Variants in ADAR observed in about 807,000 individuals in gnomAD.
ADAR encodes the protein adenosine deaminase RNA specific.
ADAR carries 41 observed loss-of-function variants against 113.2 expected under a neutral mutation model. That is an observed-to-expected ratio of 0.36 (90% confidence interval 0.28 to 0.47). The LOEUF is 0.47. Among genes scored for constraint, ADAR ranks in the 20% least tolerant of loss-of-function variants. The probability of loss-of-function intolerance (pLI) is 1.00; values close to 1 mark genes in which losing one functional copy is unlikely to be tolerated. For synonymous variants in ADAR, 605 were observed against 572.6 expected, an observed-to-expected ratio of 1.06 and a Z score of -0.81; for missense variants, 1,242 against 1,540.9, an observed-to-expected ratio of 0.81 and a Z score of 3.25.
In ADAR at chr1:154,585,799, G is replaced by A; in HGVS notation, c.3269C>T (p.Ala1090Val). ...GGGATGTCGTAGTCCATCCTCAAAT[G>A]CACTCCCATCTCTTGTCACACGACA... ...ICCRVTRDGS[A>V]FEDGLRHPFI... is the part of the protein sequence containing the mutation. The change falls in exon 13 of 15, where the codon GCA (alanine) becomes GTA (valine). Residue 1090 changes from alanine (A) to valine (V), a missense_variant. Around this residue, in one of 2 missense-constraint regions of ADAR, gnomAD observed 780 missense variants for 1,057.9 expected, o/e 0.74. Transcript: ENST00000368474. 1 of 1,614,044 alleles carries A rather than the reference G, an allele frequency of 6.2e-7. No individual in the cohort carries two copies. The highest frequency in any genetic ancestry group is 8.5e-7 in the Non-Finnish European group (1 of 1,179,908).
At chr1:154,585,714 G>A (rs776732834) in intron 13 of ADAR, 39 bp downstream of exon 13, 3 of 1,536,496 alleles carry the variant, frequency 2.0e-6, no homozygotes, top group Middle Eastern at 1.7e-4. Flanking sequence ...GCTTGAAAAG[G>A]AGGAAAATGT....
chr1:154,608,086 AG>A lies in ADAR; in HGVS notation c.-81del, dbSNP rs568269158. 1 of 1,474,236 alleles carries A rather than the reference AG, an allele frequency of 6.8e-7. No homozygotes were observed. The highest frequency in any genetic ancestry group is 9.0e-7 in the Non-Finnish European group (1 of 1,114,228). The allele number at this position is 1,474,236 out of a possible 1,614,324, so 91.3% of individuals were successfully genotyped here. ...ACCGCTGGGCCGCGCCAGCCCCTCG[AG>A]GCCCCCACGCCTCCGCTACTCCGCA... On this transcript the variant is annotated 5_prime_UTR_variant, in exon 1 of 15. Coordinates refer to ENST00000368474, the MANE Select transcript of ADAR (RefSeq NM_001111.5).
intron 1 of ADAR, among the ~76,000 whole-genome samples, chr1:154,620,172 G>C (rs1024949402): frequency 6.6e-6 from 1 of 152,192 alleles, no homozygotes; most frequent in African/African-American, 2.4e-5. Context: ...ACTTTGGGAG[G>C]CCAAGGCGGG....
intron 1 of ADAR, among the ~76,000 whole-genome samples, chr1:154,616,617 G>GT (rs1557903028): frequency 6.6e-6 from 1 of 151,878 alleles, no homozygotes; most frequent in Non-Finnish European, 1.5e-5. Flanking sequence ...ATTTACACTT[G>GT]TAATTTTACA....
At chr1:154,614,214 C>T (rs2101686822) in intron 1 of ADAR, among the ~76,000 whole-genome samples, 1 of 152,320 alleles carries the variant, frequency 6.6e-6, no homozygotes, top group Non-Finnish European at 1.5e-5. Context: ...CGGGGTGACC[C>T]TATACAACTT....
intron 6 of ADAR, among the ~76,000 whole-genome samples, chr1:154,594,627 C>T (rs572018291): frequency 8.5e-5 from 13 of 152,290 alleles, no homozygotes; most frequent in African/African-American, 2.9e-4. Context: ...ATAAGTTTCA[C>T]AAGAAAGTAT....
chr1:154,602,083 T>G lies in ADAR; in HGVS notation c.559A>C (p.Lys187Gln). 1 of 1,614,242 alleles carries G rather than the reference T, an allele frequency of 6.2e-7. No individual in the cohort carries two copies. The change falls in exon 2 of 15, where the codon AAA becomes CAA. Residue 187 changes from lysine to glutamine, a missense_variant. Transcript: ENST00000368474. ...YSLAKKGKLQ[K>Q]EAGTPPLWKI... is the part of the protein sequence containing the mutation. Reference sequence around the variant, plus strand: ...CACAAAGGGGGTGTTCCTGCCTCTTTCTGTAGCTTGCCCTTCTTTGCCAGG... The same window carrying G: ...CACAAAGGGGGTGTTCCTGCCTCTTGCTGTAGCTTGCCCTTCTTTGCCAGG...
intron 1 of ADAR, among the ~76,000 whole-genome samples, chr1:154,623,880 G>A (rs1387515191): frequency 6.6e-6 from 1 of 152,088 alleles, no homozygotes; most frequent in Non-Finnish European, 1.5e-5. Flanking sequence ...ACGGGCTCCT[G>A]TAATCCTAGC....
At chr1:154,588,469 T>A in intron 10 of ADAR, 82 bp downstream of exon 10, 2 of 1,590,694 alleles carry the variant, frequency 1.3e-6, no homozygotes, top group East Asian at 2.2e-5. Flanking sequence ...CAGGTTCGAT[T>A]TACAGGCCAG....
At chr1:154,623,294 C>G (rs915519829) in intron 1 of ADAR, among the ~76,000 whole-genome samples, 7 of 152,146 alleles carry the variant, frequency 4.6e-5, no homozygotes, top group African/African-American at 1.7e-4. Flanking sequence ...GCAACCCAAA[C>G]AGCAGATGCA....
chr1:154,619,707 A>G (rs1426955447), intron 1 of ADAR, among the ~76,000 whole-genome samples: 1 of 152,230 alleles, frequency 6.6e-6, no homozygotes, highest in Non-Finnish European at 1.5e-5. Flanking sequence ...ACAGACATGT[A>G]AATAACTGAC....
chr1:154,627,304 C>T (rs188741582), intron 1 of ADAR, among the ~76,000 whole-genome samples: 22 of 152,336 alleles, frequency 1.4e-4, no homozygotes, highest in African/African-American at 5.1e-4. Context: ...GGCCGTGACC[C>T]CGCAGTGAGC....
intron 13 of ADAR, 193 bp from the exon 14 acceptor site, chr1:154,585,537 C>T (rs1696702191): frequency 2.1e-6 from 2 of 945,050 alleles, no homozygotes; most frequent in Admixed American, 4.4e-5. Context: ...TAATTCCAGA[C>T]TAAGAGAAGA....
At chr1:154,625,043 A>G (rs1017661615) in intron 1 of ADAR, among the ~76,000 whole-genome samples, 1 of 152,172 alleles carries the variant, frequency 6.6e-6, no homozygotes, top group Non-Finnish European at 1.5e-5. Flanking sequence ...TTTTTCCACA[A>G]GCATTTTCCG....
At chr1:154,590,504 A>G in intron 6 of ADAR, 95 bp from the exon 7 acceptor site, 2 of 1,203,366 alleles carry the variant, frequency 1.7e-6, no homozygotes, top group East Asian at 4.7e-5. Context: ...CCAGTCTTGC[A>G]AACATATGGA....
chr1:154,598,934 C>T (rs1303430972), intron 2 of ADAR, among the ~76,000 whole-genome samples: 1 of 152,146 alleles, frequency 6.6e-6, no homozygotes, highest in Non-Finnish European at 1.5e-5. Flanking sequence ...GTCTTGTGAG[C>T]AACCAAAAGA....
intron 1 of ADAR, among the ~76,000 whole-genome samples, chr1:154,617,342 C>T (rs2101691924): frequency 6.6e-6 from 1 of 152,298 alleles, no homozygotes; most frequent in South Asian, 2.1e-4. Context: ...CTTAGCATAT[C>T]AATCTTTGAT....
At chr1:154,607,944 G>A in intron 1 of ADAR, 48 bp downstream of exon 1, 2 of 1,610,610 alleles carry the variant, frequency 1.2e-6, no homozygotes, top group South Asian at 1.1e-5. Context: ...CTGTGAGGTT[G>A]TAAACGAACC....
At chr1:154,599,408 TC>T (rs1306508606) in intron 2 of ADAR, among the ~76,000 whole-genome samples, 1 of 152,194 alleles carries the variant, frequency 6.6e-6, no homozygotes, top group Non-Finnish European at 1.5e-5. Flanking sequence ...ACTGCTTTCC[TC>T]CAACTCTGGG....
Sources: gnomAD v4.1 joint callset for allele counts (sites outside exome capture counted in the v4.1 genomes callset) on GRCh38, gnomAD v4.1.1 for gene constraint, gnomAD v4.1.1 regional missense constraint, MANE v1.5 for transcripts, NCBI Gene and HGNC (gene_info 2026-07-23, HGNC 2026-07-21) for gene names.